GNAL: variants seen among roughly 807,000 people sequenced by gnomAD.
GNAL encodes guanine nucleotide-binding protein G(olf) subunit alpha.
A neutral mutation model predicts 55.1 loss-of-function variants in GNAL; 18 were observed. The ratio of observed to expected loss-of-function variants is 0.33; its 90% CI spans 0.23 to 0.48. GNAL has a LOEUF of 0.48. Ranked by LOEUF, GNAL falls within the 20% of genes least tolerant of loss-of-function variation. GNAL has a pLI of 0.99. For missense variants in GNAL, 412 were observed against 614.1 expected (o/e 0.67, Z 3.48); for synonymous variants, 253 against 237.0 (o/e 1.07, Z -0.62).
intron 1 of GNAL, among the ~76,000 whole-genome samples, chr18:11,735,945 C>T (rs1002152258): frequency 6.6e-6 from 1 of 152,116 alleles, no homozygotes; most frequent in African/African-American, 2.4e-5. Context: ...TTCGAGCCCT[C>T]CCCCTGTTCA....
intron 5 of GNAL, chr18:11,851,666 C>T: frequency 5.6e-6 from 9 of 1,614,016 alleles, no homozygotes; most frequent in Non-Finnish European, 7.6e-6. Context: ...AGGATACACG[C>T]CGAAAATGCC....
chr18:11,787,649 C>T (rs1204477494), intron 4 of GNAL, among the ~76,000 whole-genome samples: 5 of 152,118 alleles, frequency 3.3e-5, no homozygotes, highest in African/African-American at 4.8e-5. Context: ...CCGAGGTGGG[C>T]GGATCACGAG....
intron 5 of GNAL, chr18:11,852,442 G>T: frequency 3.6e-6 from 1 of 275,100 alleles, no homozygotes; most frequent in Non-Finnish European, 7.5e-6. Context: ...GATTGAAGGT[G>T]GTTGGTTTTT....
At chr18:11,768,343 G>T (rs2033477999) in intron 4 of GNAL, among the ~76,000 whole-genome samples, 1 of 152,188 alleles carries the variant, frequency 6.6e-6, no homozygotes, top group Non-Finnish European at 1.5e-5. Flanking sequence ...GCTCACACCT[G>T]TAATTCCAGC....
intron 1 of GNAL, among the ~76,000 whole-genome samples, chr18:11,726,115 T>A (rs1437108070): frequency 1.3e-5 from 2 of 152,262 alleles, no homozygotes; most frequent in Non-Finnish European, 2.9e-5. Context: ...TCTGCATGTC[T>A]GTTGTTGCAC....
chr18:11,757,803 G>A (rs1206775120), intron 4 of GNAL, among the ~76,000 whole-genome samples: 3 of 152,158 alleles, frequency 2.0e-5, no homozygotes, highest in African/African-American at 7.2e-5. Flanking sequence ...AGGAAGGGAT[G>A]TCAGCGGTGG....
At chr18:11,872,533 T>C in intron 10 of GNAL, 135 bp downstream of exon 10, 1 of 605,070 alleles carries the variant, frequency 1.7e-6, no homozygotes, top group South Asian at 2.0e-5. Context: ...CTACTGCCCA[T>C]ATCCTAAAGT....
intron 4 of GNAL, among the ~76,000 whole-genome samples, chr18:11,821,048 C>T (rs1008135305): frequency 6.6e-6 from 1 of 152,254 alleles, no homozygotes; most frequent in Admixed American, 6.5e-5. Flanking sequence ...TCTTACCCAA[C>T]AACAGGACAT....
chr18:11,790,652 TTTTTTTTTC>T (rs1297603641), intron 4 of GNAL, among the ~76,000 whole-genome samples: 20 of 47,070 alleles, frequency 4.2e-4, no homozygotes, highest in African/African-American at 6.3e-4. Context: ...TTTTCTTTTC[TTTTTTTTTC>T]TTTTTTTTTT....
intron 5 of GNAL, among the ~76,000 whole-genome samples, chr18:11,832,990 A>C (rs1183659612): frequency 6.6e-6 from 1 of 151,998 alleles, no homozygotes; most frequent in Non-Finnish European, 1.5e-5. Context: ...ATGCATGTAC[A>C]TATTCTTCTT....
chr18:11,775,720 G>A (rs543236792), intron 4 of GNAL, among the ~76,000 whole-genome samples: 3 of 152,286 alleles, frequency 2.0e-5, no homozygotes, highest in East Asian at 3.9e-4. Context: ...AGGGGTTCCC[G>A]GTGTCTACAA....
intron 4 of GNAL, among the ~76,000 whole-genome samples, chr18:11,796,030 G>A (rs888574791): frequency 2.6e-5 from 4 of 152,262 alleles, no homozygotes; most frequent in South Asian, 4.1e-4. Flanking sequence ...GTCAGCTAAC[G>A]GACACCAAGT....
At chr18:11,875,536 G>C (rs1260097367) in intron 10 of GNAL, among the ~76,000 whole-genome samples, 6 of 152,104 alleles carry the variant, frequency 3.9e-5, no homozygotes, top group Non-Finnish European at 1.5e-5. Flanking sequence ...TAGTGAATGG[G>C]TTCTGCAACA....
At chr18:11,755,968 A>G (rs993656869) in intron 4 of GNAL, among the ~76,000 whole-genome samples, 1 of 152,230 alleles carries the variant, frequency 6.6e-6, no homozygotes, top group Non-Finnish European at 1.5e-5. Context: ...ATAGAAAAGC[A>G]TCTGAGTTCT....
At chr18:11,713,460 C>A (rs998292026) in intron 1 of GNAL, among the ~76,000 whole-genome samples, 2 of 152,168 alleles carry the variant, frequency 1.3e-5, no homozygotes, top group African/African-American at 4.8e-5. Context: ...AATTATTAGT[C>A]AAGTTGTGGC....
At chr18:11,727,911 G>A (rs2032248601) in intron 1 of GNAL, among the ~76,000 whole-genome samples, 1 of 152,190 alleles carries the variant, frequency 6.6e-6, no homozygotes, top group African/African-American at 2.4e-5. Context: ...ATAGCTATTT[G>A]TGGCAACAGA....
In GNAL at chr18:11,882,506, C is replaced by G. The variant is rs544232782; in HGVS notation, c.*1371C>G. Reference sequence around the variant, plus strand: ...ATCAAGACCATCCTGGCTAACATGGCGAAACCCTGTCTCTACCAAAAATAC... The same window carrying G: ...ATCAAGACCATCCTGGCTAACATGGGGAAACCCTGTCTCTACCAAAAATAC... On this transcript the variant is annotated 3_prime_UTR_variant, in exon 12 of 12. Coordinates refer to ENST00000334049, the MANE Select transcript of GNAL (RefSeq NM_182978.4). 1.3e-5 allele frequency: 2 copies of G among 151,984 alleles called. No homozygotes were observed. Among genetic ancestry groups the G allele is most frequent in the Admixed American group, 1.3e-4 (2 of 15,226 alleles). The allele number at this position is 151,984 out of a possible 1,614,324, so 9.4% of individuals were successfully genotyped here. A position where few individuals can be genotyped will look rare whatever the true frequency, so the allele number is the denominator to read the frequency against.
chr18:11,767,684 G>A (rs189807052), intron 4 of GNAL, among the ~76,000 whole-genome samples: 4 of 151,984 alleles, frequency 2.6e-5, no homozygotes, highest in African/African-American at 4.8e-5. Context: ...GCACAATTGC[G>A]CTCTGTGCAT....
chr18:11,738,997 G>C (rs74333451), intron 1 of GNAL, among the ~76,000 whole-genome samples: 2,832 of 152,246 alleles, frequency 0.019, 50 homozygotes, highest in Middle Eastern at 0.044. Context: ...CATGCGATCA[G>C]TGCATCACCG....
Sources: allele counts gnomAD v4.1 joint callset (sites outside exome capture counted in the v4.1 genomes callset), GRCh38; gene constraint gnomAD v4.1.1; transcripts MANE v1.5; gene names NCBI Gene and HGNC (gene_info 2026-07-23, HGNC 2026-07-21).